The following SOCS7 variants were observed in gnomAD, a reference collection of about 807,000 sequenced individuals.
SOCS7 encodes NAP-4.
In SOCS7, 18 loss-of-function variants were observed where a neutral mutation model predicts 58.9. The observed-to-expected ratio is 0.31, with a 90% CI of 0.21 to 0.45. The LOEUF (loss-of-function observed/expected upper bound fraction) is 0.45, where lower values mean the gene tolerates loss of function less well. Among genes scored for constraint, SOCS7 ranks in the 20% least tolerant of loss-of-function variants. The pLI, the probability that SOCS7 is intolerant of heterozygous loss-of-function variation, is 1.00. For synonymous variants in SOCS7, 388 were observed against 364.3 expected (o/e 1.06, Z -0.74); for missense variants, 667 against 837.3 (o/e 0.80, Z 2.51).
chr17:38,389,881 A>G (rs1334367967), intron 7 of SOCS7, among the ~76,000 whole-genome samples: 2 of 103,630 alleles, frequency 1.9e-5, no homozygotes, highest in South Asian at 2.7e-4. Flanking sequence ...ATATATATAT[A>G]TGTACATATA....
intron 7 of SOCS7, 72 bp from the exon 8 acceptor site, chr17:38,395,237 C>T: frequency 9.2e-6 from 14 of 1,526,140 alleles, no homozygotes; most frequent in Non-Finnish European, 1.3e-5. Context: ...TCCCTAGGTT[C>T]TCTTCATACA....
rs35011456 is a variant in SOCS7 at position 38,400,884 on chromosome 17, TG to T, written c.*1406del. ...AGTTTGCTTTCTTATAGAGCTGCTC[TG>T]GGGAGAGGTTTGCTATTGAGATGTA... On this transcript the variant is annotated 3_prime_UTR_variant, in exon 10 of 10. Coordinates refer to ENST00000612932, the MANE Select transcript of SOCS7 (RefSeq NM_014598.4). 2 of 152,348 alleles carry T rather than the reference TG, an allele frequency of 1.3e-5. No individual in the cohort carries two copies. The highest frequency in any genetic ancestry group is 2.1e-4 in the South Asian group (1 of 4,820). 9.4% of individuals were successfully genotyped at this position (152,348 alleles called of 1,614,324 possible).
chr17:38,359,545 A>G (rs925471010), intron 1 of SOCS7, among the ~76,000 whole-genome samples: 5 of 152,332 alleles, frequency 3.3e-5, no homozygotes, highest in South Asian at 2.1e-4. Context: ...CTGAAGTCAA[A>G]TAATTTAAAA....
intron 6 of SOCS7, among the ~76,000 whole-genome samples, chr17:38,370,271 GAC>G (rs2037845529): frequency 6.6e-6 from 1 of 151,062 alleles, no homozygotes; most frequent in South Asian, 2.1e-4. Flanking sequence ...GTGCTGGGAT[GAC>G]ACGCGTGAGC....
Position 38,352,274 on chromosome 17 carries a change from G to A in SOCS7, c.222G>A (p.Pro74=). 1.4e-6 allele frequency: 2 copies of A among 1,479,076 alleles called. No individual in the cohort carries two copies. The highest frequency in any genetic ancestry group is 1.5e-5 in the African/African-American group (1 of 68,758). The allele number at this position is 1,479,076 out of a possible 1,614,324, so 91.6% of individuals were successfully genotyped here. The change falls in exon 1 of 10, where the codon CCG becomes CCA. Residue 74 remains proline (P), a synonymous_variant. Coordinates refer to ENST00000612932, the MANE Select transcript of SOCS7 (RefSeq NM_014598.4). This position sits in a 1 kb window ranked among gnomAD's most constrained non-coding sequence, Gnocchi z 5.5. Reference sequence around the variant, plus strand: ...TGTTCCGCAACGTGGGTCGGCCGCCGGAGGAGGAGGACGTGGAGGCGGCCC... The same window carrying A: ...TGTTCCGCAACGTGGGTCGGCCGCCAGAGGAGGAGGACGTGGAGGCGGCCC... The part of the protein sequence containing the change: ...LMVFRNVGRP[P]EEEDVEAAPE...
chr17:38,388,325 A>G (rs1317900783), intron 7 of SOCS7, among the ~76,000 whole-genome samples: 1 of 152,022 alleles, frequency 6.6e-6, no homozygotes, highest in Non-Finnish European at 1.5e-5. Flanking sequence ...AGCCTGGACA[A>G]CATGGCATGA....
intron 7 of SOCS7, among the ~76,000 whole-genome samples, chr17:38,381,882 T>G (rs2038004872): frequency 7.1e-6 from 1 of 141,348 alleles, no homozygotes; most frequent in Non-Finnish European, 1.5e-5. Context: ...GAGAATTGCT[T>G]GAGCCCCAGA....
rs2038358099 is a variant in SOCS7, at chr17:38,404,046, C to T, written c.*4564C>T. The T allele has an allele frequency of 6.6e-6, 1 of 151,922 alleles. No individual in the cohort carries two copies. Among genetic ancestry groups the T allele is most frequent in the African/African-American group, 2.4e-5 (1 of 41,350 alleles). 9.4% of individuals were successfully genotyped at this position (151,922 alleles called of 1,614,324 possible). On this transcript the variant is annotated 3_prime_UTR_variant, in exon 10 of 10. Transcript: ENST00000612932. Reference sequence around the variant, plus strand: ...TGCGATAGCTATAAAATGATTGGGTCACAAAGGTCAAGTCTGCACGTCCCT... The same window carrying T: ...TGCGATAGCTATAAAATGATTGGGTTACAAAGGTCAAGTCTGCACGTCCCT...
intron 7 of SOCS7, among the ~76,000 whole-genome samples, chr17:38,389,863 G>GTGTGTATATATATATATATATATA (rs1555571058): frequency 9.0e-5 from 2 of 22,334 alleles, no homozygotes; most frequent in African/African-American, 3.2e-4. Context: ...GTGTGTATGT[G>GTGTGTATATATATATATATATATA]TGTACATATA....
intron 6 of SOCS7, among the ~76,000 whole-genome samples, chr17:38,369,177 C>T (rs1343901724): frequency 6.6e-6 from 1 of 152,198 alleles, no homozygotes; most frequent in Non-Finnish European, 1.5e-5. Flanking sequence ...GGACTTGCTT[C>T]CCATCCCTCA....
intron 7 of SOCS7, among the ~76,000 whole-genome samples, chr17:38,388,753 AT>A (rs1401554212): frequency 6.6e-6 from 1 of 152,116 alleles, no homozygotes; most frequent in East Asian, 1.9e-4. Context: ...ATCATACAAT[AT>A]TTTTATGTCT....
chr17:38,379,081 C>G (rs1395792858), intron 7 of SOCS7, among the ~76,000 whole-genome samples: 7 of 150,014 alleles, frequency 4.7e-5, no homozygotes, highest in African/African-American at 1.7e-4. Context: ...TCACTTGAGC[C>G]TGGGAGGCAG....
intron 1 of SOCS7, among the ~76,000 whole-genome samples, chr17:38,358,694 C>T (rs1371737939): frequency 6.6e-6 from 1 of 151,824 alleles, no homozygotes; most frequent in Non-Finnish European, 1.5e-5. Flanking sequence ...TTAGGCTTGT[C>T]TCCCCAAAGA....
chr17:38,354,163 G>T (rs950970455), intron 1 of SOCS7, among the ~76,000 whole-genome samples: 1 of 152,170 alleles, frequency 6.6e-6, no homozygotes, highest in Non-Finnish European at 1.5e-5. Context: ...TAGTTACCTT[G>T]TAGTAACTGC....
chr17:38,383,117 G>A (rs2038024309), intron 7 of SOCS7, among the ~76,000 whole-genome samples: 1 of 152,090 alleles, frequency 6.6e-6, no homozygotes, highest in South Asian at 2.1e-4. Flanking sequence ...TACAAGTTCT[G>A]GATCCAGAGC....
intron 1 of SOCS7, among the ~76,000 whole-genome samples, chr17:38,359,455 G>C (rs144987870): frequency 1.3e-5 from 2 of 152,176 alleles, no homozygotes; most frequent in African/African-American, 4.8e-5. Flanking sequence ...GATCTTCATG[G>C]TATGGTTTTA....
At chr17:38,386,428 C>T (rs191177391) in intron 7 of SOCS7, among the ~76,000 whole-genome samples, 13 of 151,760 alleles carry the variant, frequency 8.6e-5, no homozygotes, top group Non-Finnish European at 1.5e-4. Context: ...TGCCACTGCA[C>T]TCCAGCCTGG....
Position 38,403,624 on chromosome 17 carries a change from G to T in SOCS7, c.*4142G>T. 6.6e-6 allele frequency: 1 copy of T among 152,374 alleles called. No individual in the cohort carries two copies. The highest frequency in any genetic ancestry group is 1.5e-5 in the Non-Finnish European group (1 of 68,108). The allele number at this position is 152,374 out of a possible 1,614,324, so 9.4% of individuals were successfully genotyped here. ...CATATGCATGCATGTGTGTGTGTGTGTGTGTCCTCATTTGCAGAAGTCTTG... is the reference window on the plus strand; with the variant it reads ...CATATGCATGCATGTGTGTGTGTGTTTGTGTCCTCATTTGCAGAAGTCTTG... On this transcript the variant is annotated 3_prime_UTR_variant, in exon 10 of 10. Transcript: ENST00000612932.
At chr17:38,375,851 C>T (rs1298460436) in intron 6 of SOCS7, 3 of 151,386 alleles carry the variant, frequency 2.0e-5, no homozygotes, top group Admixed American at 6.6e-5. Context: ...CAAAGTTTCG[C>T]TCTTATTGCC....
Sources: allele counts gnomAD v4.1 joint callset (sites outside exome capture counted in the v4.1 genomes callset), GRCh38; gene constraint gnomAD v4.1.1; non-coding constraint Gnocchi (gnomAD v3.1); transcripts MANE v1.5; gene names NCBI Gene and HGNC (gene_info 2026-07-23, HGNC 2026-07-21).